TP63: variants seen among roughly 807,000 people sequenced by gnomAD.
TP63 encodes tumor protein 63.
TP63 carries 17 observed loss-of-function variants against 82.8 expected under a neutral mutation model. The ratio of observed to expected loss-of-function variants is 0.21; its 90% confidence interval spans 0.14 to 0.31. The LOEUF (loss-of-function observed/expected upper bound fraction) is 0.31, where lower values mean the gene tolerates loss of function less well. Among genes scored for constraint, TP63 ranks in the 10% least tolerant of loss-of-function variants. The probability of loss-of-function intolerance (pLI) is 1.00; values close to 1 mark genes in which losing one functional copy is unlikely to be tolerated. For missense variants in TP63, 648 were observed against 895.3 expected, an observed-to-expected ratio of 0.72 and a Z score of 3.52; for synonymous variants, 330 against 321.7, an observed-to-expected ratio of 1.03 and a Z score of -0.28.
chr3:189,614,787 TA>T, the TP63 span, among the ~76,000 whole-genome samples: 1 of 152,234 alleles, frequency 6.6e-6, no homozygotes, highest in African/African-American at 2.4e-5. Context: ...GGTAATCTCC[TA>T]ATATTAACGT....
chr3:189,685,880 G>A (rs1168887038), intron 1 of TP63, among the ~76,000 whole-genome samples: 3 of 151,944 alleles, frequency 2.0e-5, no homozygotes, highest in Non-Finnish European at 4.4e-5. Flanking sequence ...TTAAAAGAAG[G>A]GAACTATCTG....
the TP63 span, among the ~76,000 whole-genome samples, chr3:189,603,906 G>A: frequency 2.6e-5 from 4 of 151,814 alleles, no homozygotes; most frequent in South Asian, 2.1e-4. Flanking sequence ...AAGGTAAATC[G>A]AAAAAATTTT....
At chr3:189,722,986 T>C (rs1719506613) in intron 1 of TP63, among the ~76,000 whole-genome samples, 1 of 152,172 alleles carries the variant, frequency 6.6e-6, no homozygotes, top group Non-Finnish European at 1.5e-5. Flanking sequence ...GCAGTTTGTT[T>C]AAAGTGCAGA....
At chr3:189,866,602 A>T in intron 5 of TP63, 80 bp from the exon 6 acceptor site, 1 of 1,300,376 alleles carries the variant, frequency 7.7e-7, no homozygotes, top group South Asian at 1.3e-5. Flanking sequence ...TGCCACCAAC[A>T]TCCTGTTCAT....
intron 1 of TP63, among the ~76,000 whole-genome samples, chr3:189,681,257 T>A (rs746580395): frequency 1.3e-5 from 2 of 152,166 alleles, no homozygotes; most frequent in Non-Finnish European, 2.9e-5. Context: ...TCTCAGCTCC[T>A]GGTAATATAT....
At chr3:189,630,911 GC>G (rs1304636069), upstream of TP63, among the ~76,000 whole-genome samples, 7 of 151,926 alleles carry the variant, frequency 4.6e-5, no homozygotes, top group African/African-American at 1.7e-4. Flanking sequence ...AAACTGAAGG[GC>G]GGGGAGGGAG....
At chr3:189,859,947 A>G (rs1381693469) in intron 4 of TP63, among the ~76,000 whole-genome samples, 6 of 152,180 alleles carry the variant, frequency 3.9e-5, no homozygotes, top group Non-Finnish European at 4.4e-5. Flanking sequence ...AAACAGGTAC[A>G]TGATTGTTGA....
At chr3:189,846,609 A>AGG (rs1218534803) in intron 4 of TP63, among the ~76,000 whole-genome samples, 116 of 78,310 alleles carry the variant, frequency 1.5e-3, no homozygotes, top group African/African-American at 6.4e-3. Context: ...AATGGCCAGT[A>AGG]GGGTGTGTGT....
At chr3:189,826,784 G>A (rs968619649) in intron 4 of TP63, among the ~76,000 whole-genome samples, 1 of 152,186 alleles carries the variant, frequency 6.6e-6, no homozygotes, top group Non-Finnish European at 1.5e-5. Flanking sequence ...GTATGCATGT[G>A]CACACATGTC....
At chr3:189,866,649 G>A (rs756069153) in intron 5 of TP63, 33 bp from the exon 6 acceptor site, 1 of 1,584,328 alleles carries the variant, frequency 6.3e-7, no homozygotes, top group South Asian at 1.1e-5. Flanking sequence ...TTAAGGTAAA[G>A]AACTAACTCT....
chr3:189,674,394 C>G (rs1346518310), intron 1 of TP63, among the ~76,000 whole-genome samples: 2 of 151,988 alleles, frequency 1.3e-5, no homozygotes, highest in Admixed American at 6.6e-5. Context: ...CAGACAGGAA[C>G]TTTGGTCCTG....
intron 10 of TP63, among the ~76,000 whole-genome samples, chr3:189,884,385 T>C (rs1189617102): frequency 2.6e-5 from 4 of 152,194 alleles, no homozygotes; most frequent in Admixed American, 2.6e-4. Context: ...CTATTTCTTG[T>C]CCCCATAACC....
At chr3:189,783,083 G>C (rs865800054) in intron 3 of TP63, among the ~76,000 whole-genome samples, 2 of 151,668 alleles carry the variant, frequency 1.3e-5, no homozygotes, top group African/African-American at 4.8e-5. Flanking sequence ...TGATTATAGC[G>C]GTAAAGAAAA....
At chr3:189,670,295 C>T (rs1252362740) in intron 1 of TP63, among the ~76,000 whole-genome samples, 1 of 151,856 alleles carries the variant, frequency 6.6e-6, no homozygotes, top group Non-Finnish European at 1.5e-5. Flanking sequence ...ACAGAAGATC[C>T]AAACAACATT....
intron 3 of TP63, among the ~76,000 whole-genome samples, chr3:189,800,226 A>G (rs1726141329): frequency 6.6e-6 from 1 of 151,614 alleles, no homozygotes; most frequent in African/African-American, 2.4e-5. Flanking sequence ...TTAGCCTTTA[A>G]AAAAATGAAG....
intron 4 of TP63, among the ~76,000 whole-genome samples, chr3:189,812,523 G>T (rs1330280814): frequency 6.6e-6 from 1 of 152,208 alleles, no homozygotes; most frequent in African/African-American, 2.4e-5. Flanking sequence ...ACAGTTGAAA[G>T]AATGGTAGTG....
chr3:189,750,125 GAAAA>G (rs71175309), intron 3 of TP63, among the ~76,000 whole-genome samples: 4 of 95,476 alleles, frequency 4.2e-5, no homozygotes, highest in Non-Finnish European at 6.5e-5. Flanking sequence ...CTCTGTCTCA[GAAAA>G]AAAAAAAAAA....
intron 3 of TP63, among the ~76,000 whole-genome samples, chr3:189,797,272 T>G (rs1433786689): frequency 1.3e-5 from 2 of 152,044 alleles, no homozygotes; most frequent in African/African-American, 4.8e-5. Context: ...ACAAAAGAAA[T>G]AGTTCTACTT....
chr3:189,630,931 A>G (rs941588099), upstream of TP63, among the ~76,000 whole-genome samples: 3 of 152,086 alleles, frequency 2.0e-5, no homozygotes, highest in African/African-American at 7.2e-5. Flanking sequence ...AGGGAAATAG[A>G]TGAAAAAACA....
Sources: allele counts gnomAD v4.1 joint callset (sites outside exome capture counted in the v4.1 genomes callset), GRCh38; gene constraint gnomAD v4.1.1; transcripts MANE v1.5; gene names NCBI Gene and HGNC (gene_info 2026-07-23, HGNC 2026-07-21).